GON4L: variants seen among roughly 807,000 people sequenced by gnomAD.
GON4L encodes the protein GON-4-like protein.
GON4L carries 87 observed loss-of-function variants against 211.8 expected under a neutral mutation model. The ratio of observed to expected loss-of-function variants is 0.41; its 90% confidence interval spans 0.35 to 0.49. The LOEUF (loss-of-function observed/expected upper bound fraction) is 0.49. Among genes scored for constraint, GON4L ranks in the 20% least tolerant of loss-of-function variants. The pLI, the probability that GON4L is intolerant of heterozygous loss-of-function variation, is 0.15. For synonymous variants in GON4L, 875 were observed against 962.6 expected (o/e 0.91, Z 1.68); for missense variants, 2,155 against 2,659.5 (o/e 0.81, Z 4.17).
At position 155,760,609 on chromosome 1, in the gene GON4L, C is replaced by T. The variant is rs780260464; in HGVS notation, c.4944G>A (p.Lys1648=). ...AGATGACTTGAAGGAAGTCTTCATA[C>T]TTGCCAGGGATATGTTGTAGGGCTT... ...VREALQHIPG[K]YEDFLQVIYE... is the part of the protein sequence containing the mutation. The change falls in exon 24 of 32, where the codon AAG becomes AAA. Residue 1648 remains lysine (K), a synonymous_variant. Transcript: ENST00000368331. 4 of 1,613,274 alleles carry T rather than the reference C, an allele frequency of 2.5e-6. No homozygotes were observed. In the Admixed American group the frequency reaches 5.0e-5, roughly 20 times the overall value.
chr1:155,808,306 T>C (rs1025251336), intron 10 of GON4L, among the ~76,000 whole-genome samples: 2 of 152,196 alleles, frequency 1.3e-5, no homozygotes, highest in African/African-American at 4.8e-5. Flanking sequence ...CCCAAAGTGC[T>C]GGGATTACAG....
At position 155,766,558 on chromosome 1, in the gene GON4L, A is replaced by C. The variant is rs372993915; in HGVS notation, c.2915T>G (p.Leu972Arg). ...TTTCAGGACTACACCCTTAGGCAAT[A>C]GCAGTGGGTACCGAGATTCACTCCC... The part of the protein sequence containing the change: ...ELGSESRYPL[L>R]LPKGVVLKLK... Residue 972 changes from leucine (L) to arginine (R), a missense_variant, in exon 21 of 32, where the codon CTA (leucine) becomes CGA (arginine). Leu to Arg is a moderately radical substitution (Grantham distance 102, BLOSUM62 -2). Coordinates refer to ENST00000368331, the MANE Select transcript of GON4L (RefSeq NM_001282860.2). The C allele has an allele frequency of 1.9e-6, 3 of 1,613,952 alleles. No homozygotes were observed. The African/African-American group carries it at 4.0e-5, about 22-fold the overall frequency.
chr1:155,799,323 A>C (rs1015347463), intron 11 of GON4L, among the ~76,000 whole-genome samples: 1 of 152,208 alleles, frequency 6.6e-6, no homozygotes, highest in Non-Finnish European at 1.5e-5. Context: ...AATCCTAGCT[A>C]CTAGGGAGGT....
Position 155,767,144 on chromosome 1 carries a change from C to T in GON4L, c.2763+281G>A, listed in dbSNP as rs563782253. On this transcript the variant is annotated intron_variant, in intron 20 of 31. Transcript: ENST00000368331. ...CTCAAGGCATCTTTCCAAGAAGGGT[C>T]TCTCTGCATATCAAATCTACAAAGA... 6.7e-5 allele frequency: 49 copies of T among 727,130 alleles called. No individual in the cohort carries two copies. The African/African-American group carries it at 7.6e-4, about 11-fold the overall frequency. 45.0% of individuals were successfully genotyped at this position (727,130 alleles called of 1,614,324 possible).
chr1:155,771,351 G>C, intron 18 of GON4L, 134 bp from the exon 19 acceptor site: 4 of 1,179,478 alleles, frequency 3.4e-6, no homozygotes, highest in Non-Finnish European at 3.7e-6. Context: ...ACCCAGGCTG[G>C]AGTGCAGTGG....
At position 155,795,105 on chromosome 1, in the gene GON4L, G is replaced by A; in HGVS notation, c.1692C>T (p.Asp564=). ...DDDPEYNFLE[D]LDEPDTEDFR... ...AATCCTCTGTGTCTGGTTCATCGAG[G>A]TCTTCCAGGAAATTATATTCTGGAT... is the stretch of plus-strand genomic sequence containing the variant. Residue 564 remains aspartate, a synonymous_variant, in exon 12 of 32, where the codon GAC becomes GAT. Coordinates refer to ENST00000368331, the MANE Select transcript of GON4L (RefSeq NM_001282860.2). The A allele has an allele frequency of 6.2e-7, 1 of 1,611,008 alleles. No individual in the cohort carries two copies. The highest frequency in any genetic ancestry group is 8.5e-7 in the Non-Finnish European group (1 of 1,177,184).
At chr1:155,798,408 CTTT>C (rs35010499) in intron 11 of GON4L, among the ~76,000 whole-genome samples, 2 of 125,026 alleles carry the variant, frequency 1.6e-5, no homozygotes, top group Non-Finnish European at 3.4e-5. Flanking sequence ...ACAGCAAGTT[CTTT>C]TTTTTTTTTT....
At chr1:155,774,696 G>A (rs143645681) in intron 17 of GON4L, 23 of 453,494 alleles carry the variant, frequency 5.1e-5, no homozygotes, top group East Asian at 8.9e-5. Flanking sequence ...AGTTTATCTC[G>A]ATCTGACTCC....
chr1:155,847,823 A>G (rs1233828728), intron 2 of GON4L, among the ~76,000 whole-genome samples: 2 of 152,008 alleles, frequency 1.3e-5, no homozygotes, highest in South Asian at 4.2e-4. Flanking sequence ...GCGGTGAGCC[A>G]AGATCGTGCC....
At chr1:155,795,835 G>C (rs1350799933) in intron 11 of GON4L, among the ~76,000 whole-genome samples, 1 of 152,100 alleles carries the variant, frequency 6.6e-6, no homozygotes, top group East Asian at 1.9e-4. Flanking sequence ...ACAGGGTTTT[G>C]GTATGTTGCC....
chr1:155,748,735 G>A (rs1402778390), downstream of GON4L: 76 of 1,614,030 alleles, frequency 4.7e-5, no homozygotes, highest in Non-Finnish European at 6.1e-5. Flanking sequence ...TCTGGAACAC[G>A]TTGCTTTGCC....
rs1660454186 is a variant in GON4L, at chr1:155,750,484, T to C, written c.*100A>G. On this transcript the variant is annotated 3_prime_UTR_variant, in exon 32 of 32. Transcript: ENST00000368331. ...CCTGGCCTCCTGCTCTCCAGATCTG[T>C]AAACTGGGCTCAAGGACTGTACAAG... The C allele has an allele frequency of 4.4e-6, 4 of 907,784 alleles. No homozygotes were observed. Among genetic ancestry groups the C allele is most frequent in the Non-Finnish European group, 7.2e-6 (4 of 557,838 alleles). The allele number at this position is 907,784 out of a possible 1,614,324, so 56.2% of individuals were successfully genotyped here. A position where few individuals can be genotyped will look rare whatever the true frequency, so the allele number is the denominator to read the frequency against.
intron 27 of GON4L, among the ~76,000 whole-genome samples, chr1:155,755,592 C>G (rs558207719): frequency 6.6e-6 from 1 of 152,086 alleles, no homozygotes; most frequent in Non-Finnish European, 1.5e-5. Context: ...ATTATGAATC[C>G]CTGAAACAAT....
At chr1:155,829,985 C>A (rs1317973433) in intron 2 of GON4L, among the ~76,000 whole-genome samples, 1 of 151,030 alleles carries the variant, frequency 6.6e-6, no homozygotes, top group Admixed American at 6.6e-5. Flanking sequence ...GAGTCTCGCT[C>A]TGTGGGCCAG....
At position 155,750,324 on chromosome 1, in the gene GON4L, T is replaced by C. The variant is rs931249117; in HGVS notation, c.*260A>G. 2 of 610,202 alleles carry C rather than the reference T, an allele frequency of 3.3e-6. No homozygotes were observed. Among genetic ancestry groups the C allele is most frequent in the Non-Finnish European group, 5.8e-6 (2 of 342,238 alleles). 37.8% of individuals were successfully genotyped at this position (610,202 alleles called of 1,614,324 possible). On this transcript the variant is annotated 3_prime_UTR_variant, in exon 32 of 32. Transcript: ENST00000368331. ...TATGTGCCATCAGACCAAAAAAAAG[T>C]AGAGAAAGGAGCTGAACTCCACTCT...
At chr1:155,806,832 T>C (rs374177531) in intron 10 of GON4L, among the ~76,000 whole-genome samples, 5 of 152,208 alleles carry the variant, frequency 3.3e-5, no homozygotes, top group South Asian at 4.1e-4. Context: ...GCTGAATGCA[T>C]TGGCTCACAC....
At chr1:155,829,507 C>T (rs970955445) in intron 2 of GON4L, among the ~76,000 whole-genome samples, 1 of 151,928 alleles carries the variant, frequency 6.6e-6, no homozygotes, top group African/African-American at 2.4e-5. Context: ...TCAACAGGCA[C>T]GAGAATCACC....
intron 17 of GON4L, chr1:155,773,485 T>A (rs539702282): frequency 4.4e-6 from 2 of 451,502 alleles, no homozygotes; most frequent in Non-Finnish European, 8.1e-6. Context: ...AAGCACCTAG[T>A]AAAATAAGGT....
At chr1:155,748,229 T>G, downstream of GON4L, 2 of 1,345,204 alleles carry the variant, frequency 1.5e-6, no homozygotes, top group South Asian at 2.8e-5. Flanking sequence ...AGGCCCGAGC[T>G]TGAACTCAGC....
Sources: gnomAD v4.1 joint callset for allele counts (sites outside exome capture counted in the v4.1 genomes callset) on GRCh38, gnomAD v4.1.1 for gene constraint, MANE v1.5 for transcripts, NCBI Gene and HGNC (gene_info 2026-07-23, HGNC 2026-07-21) for gene names.